Variants in SDK1 observed in about 807,000 individuals in gnomAD.
The protein encoded by SDK1 is sidekick cell adhesion molecule 1.
A neutral mutation model predicts 245.5 loss-of-function variants in SDK1; 157 were observed. The observed-to-expected ratio is 0.64, with a 90% CI of 0.56 to 0.73. The LOEUF (loss-of-function observed/expected upper bound fraction) is 0.73, where lower values mean the gene tolerates loss of function less well. SDK1 is among the 30% of genes least tolerant of loss of function. The pLI, the probability that SDK1 is intolerant of heterozygous loss-of-function variation, is 0.00. For missense variants in SDK1, 3,583 were observed against 3,002.3 expected (o/e 1.19, Z -4.52); for synonymous variants, 1,647 against 1,278.5 (o/e 1.29, Z -6.15).
At chr7:3,875,374 C>A (rs1781051219) in intron 5 of SDK1, among the ~76,000 whole-genome samples, 1 of 152,202 alleles carries the variant, frequency 6.6e-6, no homozygotes, top group Non-Finnish European at 1.5e-5. Context: ...CTGCCACTTA[C>A]CTTTTAAGTC....
chr7:3,619,166 G>C lies in SDK1; in HGVS notation c.385G>C (p.Glu129Gln), dbSNP rs1289665015. 6.2e-7 allele frequency: 1 copy of C among 1,613,900 alleles called. No homozygotes were observed. Among genetic ancestry groups the C allele is most frequent in the South Asian group, 1.1e-5 (1 of 91,074 alleles). ...CCGCCTTGTTCTCACCTGCCTTGCCGAAGGGAGCTGGCCTTTGGAGTTCAA... is the reference window on the plus strand; with the variant it reads ...CCGCCTTGTTCTCACCTGCCTTGCCCAAGGGAGCTGGCCTTTGGAGTTCAA... ...GNRLVLTCLA[E>Q]GSWPLEFKWM... The change falls in exon 2 of 45, where the codon GAA becomes CAA. Residue 129 changes from glutamate to glutamine, a missense_variant. By Grantham distance (29) the Glu-to-Gln change is conservative (BLOSUM62 2). Transcript: ENST00000404826.
chr7:3,486,840 A>T (rs569939395), intron 1 of SDK1, among the ~76,000 whole-genome samples: 1 of 152,284 alleles, frequency 6.6e-6, no homozygotes, highest in Admixed American at 6.5e-5. Flanking sequence ...AACATTCCAC[A>T]TGTTTGATAA....
intron 4 of SDK1, among the ~76,000 whole-genome samples, chr7:3,781,179 C>T (rs1232784789): frequency 6.6e-6 from 1 of 152,126 alleles, no homozygotes; most frequent in East Asian, 1.9e-4. Flanking sequence ...CCTCAGAGAA[C>T]AGCCTATAGC....
chr7:3,715,751 C>A (rs1046504287), intron 4 of SDK1, among the ~76,000 whole-genome samples: 1 of 152,110 alleles, frequency 6.6e-6, no homozygotes, highest in Non-Finnish European at 1.5e-5. Flanking sequence ...TGGAAAATTA[C>A]TGAACATACA....
At chr7:3,635,675 T>A (rs1033092232) in intron 2 of SDK1, among the ~76,000 whole-genome samples, 39 of 152,214 alleles carry the variant, frequency 2.6e-4, no homozygotes, top group African/African-American at 8.7e-4. Context: ...TCTCCCCTTT[T>A]TGGAAAATAG....
intron 1 of SDK1, among the ~76,000 whole-genome samples, chr7:3,387,329 T>C (rs1781635186): frequency 6.6e-6 from 1 of 152,156 alleles, no homozygotes. Flanking sequence ...CCTTTAGAGA[T>C]TCCTCATCTC....
chr7:3,751,682 G>C (rs542428378), intron 4 of SDK1, among the ~76,000 whole-genome samples: 4 of 152,048 alleles, frequency 2.6e-5, no homozygotes, highest in Non-Finnish European at 4.4e-5. Flanking sequence ...CTGCAGTACC[G>C]AGCTCTGTGA....
At position 3,974,477 on chromosome 7, in the gene SDK1, C is replaced by T. The variant is rs150968737; in HGVS notation, c.1926C>T (p.Ile642=). Reference sequence around the variant, plus strand: ...TCAGCCAGACGTGGTCAGGCGACATCGGTGACTACAGCTGCGAGATTGTTT... The same window carrying T: ...TCAGCCAGACGTGGTCAGGCGACATTGGTGACTACAGCTGCGAGATTGTTT... The part of the protein sequence containing the change: ...LLISQTWSGD[I]GDYSCEIVSE... Residue 642 remains isoleucine, a synonymous_variant, in exon 13 of 45, where the codon ATC becomes ATT. Transcript: ENST00000404826. 897 of 1,614,132 alleles carry T rather than the reference C, an allele frequency of 5.6e-4. 1 individual carries two copies. Among genetic ancestry groups the T allele is most frequent in the East Asian group, 1.3e-3 (58 of 44,864 alleles).
intron 44 of SDK1, among the ~76,000 whole-genome samples, chr7:4,260,745 A>C (rs1373840268): frequency 6.9e-6 from 1 of 144,648 alleles, no homozygotes; most frequent in Non-Finnish European, 1.5e-5. Flanking sequence ...TCGTCACCTG[A>C]TGGAGAAGCT....
chr7:4,187,402 T>G (rs1782957934), intron 35 of SDK1, among the ~76,000 whole-genome samples: 1 of 152,242 alleles, frequency 6.6e-6, no homozygotes, highest in Admixed American at 6.5e-5. Flanking sequence ...GAAGCAGAAC[T>G]TCTGGTCCAA....
chr7:3,936,216 G>C (rs567485270), intron 5 of SDK1, among the ~76,000 whole-genome samples: 2 of 152,264 alleles, frequency 1.3e-5, no homozygotes, highest in East Asian at 3.9e-4. Context: ...AGGATGGTGG[G>C]TGCCAGGGGC....
At chr7:4,261,188 C>G (rs1284335392) in intron 44 of SDK1, among the ~76,000 whole-genome samples, 1 of 152,124 alleles carries the variant, frequency 6.6e-6, no homozygotes, top group Non-Finnish European at 1.5e-5. Context: ...GGGACAGATC[C>G]AAGTCCCTAG....
At chr7:4,049,513 C>T (rs372494828) in intron 18 of SDK1, 50 bp downstream of exon 18, 2 of 1,412,624 alleles carry the variant, frequency 1.4e-6, no homozygotes, top group African/African-American at 1.4e-5. Context: ...TGTCTGGAGC[C>T]ACAGCGCGAC....
intron 1 of SDK1, among the ~76,000 whole-genome samples, chr7:3,521,525 T>C (rs1178333067): frequency 1.3e-5 from 2 of 152,164 alleles, no homozygotes; most frequent in Non-Finnish European, 2.9e-5. Context: ...AAAAACTAAC[T>C]GGGAACTTGT....
intron 5 of SDK1, among the ~76,000 whole-genome samples, chr7:3,925,357 G>T (rs1288645727): frequency 6.6e-6 from 1 of 152,202 alleles, no homozygotes; most frequent in South Asian, 2.1e-4. Flanking sequence ...AGTTTGCTTA[G>T]AAAAAGCACA....
intron 3 of SDK1, among the ~76,000 whole-genome samples, chr7:3,641,654 A>C (rs1335368332): frequency 6.6e-6 from 1 of 152,248 alleles, no homozygotes; most frequent in East Asian, 1.9e-4. Flanking sequence ...GGATGGCTTC[A>C]GCATTTCATT....
At chr7:3,769,092 G>A (rs1218794409) in intron 4 of SDK1, among the ~76,000 whole-genome samples, 26 of 152,058 alleles carry the variant, frequency 1.7e-4, no homozygotes, top group Admixed American at 1.7e-3. Flanking sequence ...TTTTTATTTG[G>A]AAACAATTAT....
At chr7:3,539,126 T>G (rs1421704702) in intron 1 of SDK1, among the ~76,000 whole-genome samples, 2 of 152,204 alleles carry the variant, frequency 1.3e-5, no homozygotes, top group Non-Finnish European at 2.9e-5. Flanking sequence ...TCTTCTTTCC[T>G]CATGCCACCT....
intron 1 of SDK1, among the ~76,000 whole-genome samples, chr7:3,508,567 A>G (rs1230556120): frequency 6.6e-6 from 1 of 151,974 alleles, no homozygotes; most frequent in Admixed American, 6.6e-5. Context: ...ACCTCAAATG[A>G]TATACCCGCC....
Sources: allele counts gnomAD v4.1 joint callset (sites outside exome capture counted in the v4.1 genomes callset), GRCh38; gene constraint gnomAD v4.1.1; transcripts MANE v1.5; gene names NCBI Gene and HGNC (gene_info 2026-07-23, HGNC 2026-07-21).